NSMAF: variants seen among roughly 807,000 people sequenced by gnomAD.
NSMAF encodes the protein protein FAN.
Under a neutral mutation model 134.9 loss-of-function variants are expected in NSMAF, and 90 were observed. The ratio of observed to expected loss-of-function variants is 0.67; its 90% CI spans 0.56 to 0.79. The LOEUF is 0.79. NSMAF is among the 30% of genes least tolerant of loss of function. The pLI, the probability that NSMAF is intolerant of heterozygous loss-of-function variation, is 0.00. For missense variants in NSMAF, 1,010 were observed against 1,119.0 expected (o/e 0.90, Z 1.39); for synonymous variants, 358 against 389.6 (o/e 0.92, Z 0.96).
chr8:58,616,951 T>A (rs760361868), intron 9 of NSMAF, among the ~76,000 whole-genome samples: 34 of 152,096 alleles, frequency 2.2e-4, no homozygotes, highest in Admixed American at 5.9e-4. Context: ...GGAAAATAAA[T>A]TTTCAATAGT....
At chr8:58,609,995 C>A (rs1806491366) in intron 9 of NSMAF, among the ~76,000 whole-genome samples, 1 of 152,008 alleles carries the variant, frequency 6.6e-6, no homozygotes, top group Non-Finnish European at 1.5e-5. Flanking sequence ...ACCAAATAAC[C>A]CTTAGCTAAA....
At chr8:58,652,089 A>T (rs1379373637) in intron 1 of NSMAF, among the ~76,000 whole-genome samples, 1 of 152,182 alleles carries the variant, frequency 6.6e-6, no homozygotes, top group Non-Finnish European at 1.5e-5. Context: ...CATTTGTTCT[A>T]GCCTTAGTTC....
chr8:58,599,295 C>A lies in NSMAF; in HGVS notation c.1522G>T (p.Glu508Ter), dbSNP rs749907168. The A allele has an allele frequency of 6.2e-7, 1 of 1,613,888 alleles. No individual in the cohort carries two copies. Among genetic ancestry groups the A allele is most frequent in the African/African-American group, 1.3e-5 (1 of 74,922 alleles). Reference sequence around the variant, plus strand: ...TAGCCAAATATTAGATCAATCCACTCGTGAAGGTGTTCAGACACATAATTG... The same window carrying A: ...TAGCCAAATATTAGATCAATCCACTAGTGAAGGTGTTCAGACACATAATTG... ...ESNYVSEHLHEWIDLIFGYKQ... is the reference protein window; with the variant it reads ...ESNYVSEHLH The change falls in exon 19 of 31, where the codon GAG becomes TAG. Residue 508 changes from glutamate to a stop codon, truncating the protein, a stop_gained. Coordinates refer to ENST00000038176, the MANE Select transcript of NSMAF (RefSeq NM_003580.4). LOFTEE classifies it high-confidence loss of function.
chr8:58,617,402 A>G (rs908582965), intron 9 of NSMAF, among the ~76,000 whole-genome samples: 5 of 152,240 alleles, frequency 3.3e-5, no homozygotes, highest in African/African-American at 1.2e-4. Context: ...AATTTCTGCA[A>G]TCTACCCATC....
chr8:58,644,235 C>T (rs745555167), intron 1 of NSMAF, among the ~76,000 whole-genome samples: 28 of 152,114 alleles, frequency 1.8e-4, no homozygotes, highest in Non-Finnish European at 3.1e-4. Flanking sequence ...TGAAACACCA[C>T]TACAATGTGA....
At chr8:58,586,282 C>A in intron 28 of NSMAF, 176 bp downstream of exon 28, 1 of 649,822 alleles carries the variant, frequency 1.5e-6, no homozygotes, top group East Asian at 2.7e-5. Flanking sequence ...GATACAAATG[C>A]CACAAGTATA....
At chr8:58,602,284 G>A (rs186461538) in intron 13 of NSMAF, 147 bp from the exon 14 acceptor site, 147 of 581,350 alleles carry the variant, frequency 2.5e-4, no homozygotes, top group African/African-American at 2.5e-3. Context: ...AGTTATTTAT[G>A]TAGATGTAAA....
intron 6 of NSMAF, among the ~76,000 whole-genome samples, chr8:58,626,091 C>CGTTTTTTTTTT (rs1563537415): frequency 2.0e-5 from 2 of 99,370 alleles, no homozygotes; most frequent in Non-Finnish European, 3.8e-5. Flanking sequence ...TTATATAATT[C>CGTTTTTTTTTT]TTTTTTTTTT....
chr8:58,648,078 G>C (rs1248669915), intron 1 of NSMAF, among the ~76,000 whole-genome samples: 2 of 152,144 alleles, frequency 1.3e-5, no homozygotes, highest in Non-Finnish European at 2.9e-5. Flanking sequence ...AGGCTGACAC[G>C]GTCTCAGATG....
intron 1 of NSMAF, among the ~76,000 whole-genome samples, chr8:58,649,766 T>C (rs911178180): frequency 1.3e-5 from 2 of 152,158 alleles, no homozygotes; most frequent in Non-Finnish European, 2.9e-5. Flanking sequence ...CACTTCACCT[T>C]CCACCATGAG....
At chr8:58,655,499 G>A (rs1000162429) in intron 1 of NSMAF, among the ~76,000 whole-genome samples, 3 of 151,148 alleles carry the variant, frequency 2.0e-5, no homozygotes, top group African/African-American at 4.9e-5. Flanking sequence ...TCCTGGGCTC[G>A]AGTGATCTTC....
At chr8:58,643,290 A>G (rs1180777674) in intron 1 of NSMAF, among the ~76,000 whole-genome samples, 1 of 152,228 alleles carries the variant, frequency 6.6e-6, no homozygotes, top group East Asian at 1.9e-4. Context: ...TGTCAAAAAT[A>G]AAATCACTCA....
intron 6 of NSMAF, 104 bp downstream of exon 6, chr8:58,631,392 C>A (rs925314261): frequency 8.7e-6 from 5 of 572,392 alleles, no homozygotes; most frequent in Non-Finnish European, 1.5e-5. Context: ...CTTTTAAATA[C>A]TCATTATTAT....
At chr8:58,647,230 AC>A (rs1807477419) in intron 1 of NSMAF, among the ~76,000 whole-genome samples, 1 of 152,232 alleles carries the variant, frequency 6.6e-6, no homozygotes, top group South Asian at 2.1e-4. Flanking sequence ...TGTATTTGCC[AC>A]CTCTACTCTC....
intron 1 of NSMAF, among the ~76,000 whole-genome samples, chr8:58,658,860 T>C (rs532066347): frequency 1.3e-5 from 2 of 152,328 alleles, no homozygotes; most frequent in African/African-American, 4.8e-5. Flanking sequence ...ACTGGGATGC[T>C]GGTGAGAATG....
At chr8:58,620,411 G>A (rs561210849) in intron 9 of NSMAF, among the ~76,000 whole-genome samples, 64 of 152,290 alleles carry the variant, frequency 4.2e-4, no homozygotes, top group Non-Finnish European at 8.1e-4. Flanking sequence ...CATCATCAAC[G>A]ACTAGTAGTA....
intron 9 of NSMAF, among the ~76,000 whole-genome samples, chr8:58,622,883 AAGTAG>A (rs1353472407): frequency 6.6e-6 from 1 of 152,148 alleles, no homozygotes; most frequent in Non-Finnish European, 1.5e-5. Context: ...AGGAGAAGAA[AAGTAG>A]AGAAGGGAAG....
At chr8:58,648,061 G>A (rs1321484652) in intron 1 of NSMAF, among the ~76,000 whole-genome samples, 2 of 152,202 alleles carry the variant, frequency 1.3e-5, no homozygotes, top group African/African-American at 4.8e-5. Flanking sequence ...TATGGACAGT[G>A]AAGGTCAGGC....
In NSMAF at chr8:58,659,703, AG is replaced by A. The variant is rs1472766295; in HGVS notation, c.-73del. ...GCCGCCTGCCGAGGAGGTCCGGAGG[AG>A]CCGGGGAGGGCGGGATTGGTGGCCG... On this transcript the variant is annotated 5_prime_UTR_variant, in exon 1 of 31. Coordinates refer to ENST00000038176, the MANE Select transcript of NSMAF (RefSeq NM_003580.4). 9 of 1,235,790 alleles carry A rather than the reference AG, an allele frequency of 7.3e-6. No homozygotes were observed. Among genetic ancestry groups the A allele is most frequent in the South Asian group, 4.7e-5 (2 of 42,324 alleles). The allele number at this position is 1,235,790 out of a possible 1,614,324, so 76.6% of individuals were successfully genotyped here.
Sources: gnomAD v4.1 joint callset for allele counts (sites outside exome capture counted in the v4.1 genomes callset) on GRCh38, gnomAD v4.1.1 for gene constraint, MANE v1.5 for transcripts, NCBI Gene and HGNC (gene_info 2026-07-23, HGNC 2026-07-21) for gene names.